The following MOK variants were observed in gnomAD, a reference collection of about 807,000 sequenced individuals.
MOK encodes MAPK/MAK/MRK overlapping kinase.
Under a neutral mutation model 54.2 loss-of-function variants are expected in MOK, and 59 were observed. The ratio of observed to expected loss-of-function variants is 1.09; its 90% CI spans 0.88 to 1.35. The LOEUF (loss-of-function observed/expected upper bound fraction) is 1.35, where lower values mean the gene tolerates loss of function less well. MOK is among the 40% of genes most tolerant of loss of function. The probability of loss-of-function intolerance (pLI) is 0.00; values close to 1 mark genes in which losing one functional copy is unlikely to be tolerated. For missense variants in MOK, 517 were observed against 526.2 expected, an observed-to-expected ratio of 0.98 and a Z score of 0.17; for synonymous variants, 210 against 202.7, an observed-to-expected ratio of 1.04 and a Z score of -0.31.
intron 2 of MOK, among the ~76,000 whole-genome samples, chr14:102,280,255 C>CTGGA (rs2069279126): frequency 6.6e-6 from 1 of 152,038 alleles, no homozygotes; most frequent in Non-Finnish European, 1.5e-5. Context: ...GTCACCCAGG[C>CTGGA]TGGAGTTCAG....
At chr14:102,295,163 G>A (rs757753030) in intron 1 of MOK, among the ~76,000 whole-genome samples, 5 of 152,096 alleles carry the variant, frequency 3.3e-5, no homozygotes, top group East Asian at 1.9e-4. Context: ...GTAAATGAAC[G>A]TCATGCCCCA....
At chr14:102,222,683 T>A, downstream of MOK, 1 of 771,916 alleles carries the variant, frequency 1.3e-6, no homozygotes. This position sits in a 1 kb window ranked among gnomAD's most constrained non-coding sequence, Gnocchi z 4.4. Context: ...AGGAATTAAA[T>A]AGATGAAGTG....
chr14:102,300,095 G>A lies in MOK; in HGVS notation c.7+4867C>T, dbSNP rs113143949. Among the ~76,000 whole-genome samples, 1,019 of 152,028 alleles carry A rather than the reference G, an allele frequency of 6.7e-3. 17 individuals carry two copies. The highest frequency in any genetic ancestry group is 0.021 in the African/African-American group (870 of 41,468). On this transcript the variant is annotated intron_variant, in intron 1 of 11. Coordinates refer to ENST00000361847, the MANE Select transcript of MOK (RefSeq NM_014226.3). ...TCCCAGCACTTTGGGAGGCCAAGGC[G>A]GGCAGATTGCCTGAGGTCAGGAGTT...
At chr14:102,299,028 G>C (rs1370286101) in intron 1 of MOK, among the ~76,000 whole-genome samples, 1 of 152,144 alleles carries the variant, frequency 6.6e-6, no homozygotes, top group Non-Finnish European at 1.5e-5. Flanking sequence ...ACAAACTCCA[G>C]ACACACTGCT....
chr14:102,286,817 G>A (rs1466053424), intron 1 of MOK, among the ~76,000 whole-genome samples: 2 of 151,798 alleles, frequency 1.3e-5, no homozygotes, highest in Admixed American at 1.3e-4. Flanking sequence ...GGCTGACGCA[G>A]GAGAATCACT....
intron 7 of MOK, among the ~76,000 whole-genome samples, chr14:102,242,767 A>C (rs1169415115): frequency 6.6e-6 from 1 of 152,040 alleles, no homozygotes; most frequent in Non-Finnish European, 1.5e-5. Context: ...TATCAACCAA[A>C]TTGTTTTGCC....
At chr14:102,259,389 G>A (rs908263073) in intron 4 of MOK, among the ~76,000 whole-genome samples, 1 of 152,112 alleles carries the variant, frequency 6.6e-6, no homozygotes, top group African/African-American at 2.4e-5. Flanking sequence ...AGGTGCCTCT[G>A]TTCATTTAAG....
chr14:102,298,997 C>T (rs891963124), intron 1 of MOK, among the ~76,000 whole-genome samples: 2 of 152,092 alleles, frequency 1.3e-5, no homozygotes, highest in African/African-American at 4.8e-5. Context: ...AAACTCTCAA[C>T]ACATCTGAAC....
chr14:102,299,235 C>A (rs531449682), intron 1 of MOK, among the ~76,000 whole-genome samples: 2 of 152,124 alleles, frequency 1.3e-5, no homozygotes, highest in African/African-American at 2.4e-5. Flanking sequence ...CTCTCTGGGC[C>A]GGACGCAGTG....
At chr14:102,279,285 G>A (rs1256955478) in intron 2 of MOK, among the ~76,000 whole-genome samples, 1 of 92,364 alleles carries the variant, frequency 1.1e-5, no homozygotes, top group Admixed American at 9.1e-5. Context: ...CAAGAGAACC[G>A]TTGTTGTTGT....
In MOK at chr14:102,287,829, T is replaced by C. The variant is rs1207326500; in HGVS notation, c.8-4237A>G. 4.1e-5 allele frequency among the ~76,000 whole-genome samples: 6 copies of C among 148,008 alleles called. No homozygotes were observed. The East Asian group carries it at 1.2e-3, about 29-fold the overall frequency. On this transcript the variant is annotated intron_variant, in intron 1 of 11. Transcript: ENST00000361847. Reference sequence around the variant, plus strand: ...TAGCCAGTTCTTTGAGATTTTTTTTTTTTTTTTTTTTTTTGAGACGGAGTC... The same window carrying C: ...TAGCCAGTTCTTTGAGATTTTTTTTCTTTTTTTTTTTTTTGAGACGGAGTC...
intron 3 of MOK, 172 bp from the exon 4 acceptor site, chr14:102,263,788 G>A: frequency 2.3e-6 from 1 of 432,398 alleles, no homozygotes; most frequent in Non-Finnish European, 4.0e-6. Flanking sequence ...CAGTATTTCA[G>A]ATAAAATTAA....
chr14:102,226,408 T>C (rs1489716569), downstream of MOK: 1 of 703,058 alleles, frequency 1.4e-6, no homozygotes, highest in Admixed American at 2.0e-5. The surrounding 1 kb of genome is among the most constrained non-coding windows in gnomAD (Gnocchi z 4.8). Context: ...CGTTCTGGGT[T>C]CTGTGGGGAT....
Position 102,229,090 on chromosome 14 carries a change from A to G in MOK, c.*199T>C. The G allele has an allele frequency of 1.8e-6, 1 of 552,346 alleles. No homozygotes were observed. The allele number at this position is 552,346 out of a possible 1,614,324, so 34.2% of individuals were successfully genotyped here. On this transcript the variant is annotated 3_prime_UTR_variant, in exon 12 of 12. Transcript: ENST00000361847. ...CCTAGAATGCGGTGGTTTTACAAGT[A>G]TATTAGCCCAGAACATCCTAGGCAG...
At chr14:102,278,932 C>T (rs1380629701) in intron 2 of MOK, among the ~76,000 whole-genome samples, 1 of 152,242 alleles carries the variant, frequency 6.6e-6, no homozygotes, top group Non-Finnish European at 1.5e-5. Flanking sequence ...TGTGCCAGCA[C>T]TGCACTAAGT....
chr14:102,300,356 G>A (rs1366752361), intron 1 of MOK, among the ~76,000 whole-genome samples: 1 of 148,734 alleles, frequency 6.7e-6, no homozygotes, highest in Non-Finnish European at 1.5e-5. Context: ...AGCCTGGGCT[G>A]GGCAACACAG....
downstream of MOK, chr14:102,222,834 C>G: frequency 6.2e-7 from 1 of 1,614,198 alleles, no homozygotes; most frequent in Non-Finnish European, 8.5e-7. The surrounding 1 kb of genome is among the most constrained non-coding windows in gnomAD (Gnocchi z 4.4). Flanking sequence ...TTGCAGGGCT[C>G]ATTGTCATCC....
intron 1 of MOK, among the ~76,000 whole-genome samples, chr14:102,297,112 C>T (rs984499573): frequency 1.3e-5 from 2 of 151,752 alleles, no homozygotes; most frequent in African/African-American, 4.8e-5. Context: ...AATACCAGCA[C>T]TTTGGGAGGC....
intron 2 of MOK, among the ~76,000 whole-genome samples, chr14:102,266,394 T>C (rs1429365062): frequency 6.7e-6 from 1 of 150,160 alleles, no homozygotes; most frequent in Non-Finnish European, 1.5e-5. Flanking sequence ...AGCCTCAACC[T>C]TCCAGGCTCA....
Sources: gnomAD v4.1 joint callset for allele counts (sites outside exome capture counted in the v4.1 genomes callset) on GRCh38, gnomAD v4.1.1 for gene constraint, Gnocchi (gnomAD v3.1) non-coding constraint, MANE v1.5 for transcripts, NCBI Gene and HGNC (gene_info 2026-07-23, HGNC 2026-07-21) for gene names.